The following TRPC4 variants were observed in gnomAD, a reference collection of about 807,000 sequenced individuals.
TRPC4 encodes short transient receptor potential channel 4.
In TRPC4, 49 loss-of-function variants were observed where a neutral mutation model predicts 99.4. That is an observed-to-expected ratio of 0.49 (90% CI 0.39 to 0.63). The LOEUF is 0.63. TRPC4 is among the 20% of genes least tolerant of loss of function. The pLI is 0.00. For synonymous variants in TRPC4, 454 were observed against 425.9 expected (o/e 1.07, Z -0.81); for missense variants, 898 against 1,152.9 (o/e 0.78, Z 3.20).
intron 2 of TRPC4, among the ~76,000 whole-genome samples, chr13:37,762,417 C>T (rs536968966): frequency 1.1e-4 from 16 of 151,582 alleles, no homozygotes; most frequent in African/African-American, 3.6e-4. Flanking sequence ...CACATGCACA[C>T]GTATGTTTAT....
At position 37,739,186 on chromosome 13, in the gene TRPC4, A is replaced by G. The variant is rs185312614; in HGVS notation, c.897+6751T>C. On this transcript the variant is annotated intron_variant, in intron 3 of 10. Transcript: ENST00000379705. ...CTAATTTTAACCTGGGTATAATATA[A>G]GGGAAGGTTTTTCAGAGAAAGTGGT... is the stretch of plus-strand genomic sequence containing the variant. Among the ~76,000 whole-genome samples, 101 of 152,310 alleles carry G rather than the reference A, an allele frequency of 6.6e-4. 1 individual carries two copies. Among genetic ancestry groups the G allele is most frequent in the Middle Eastern group, 3.4e-3 (1 of 292 alleles).
chr13:37,649,954 C>A (rs1008055763), intron 8 of TRPC4, among the ~76,000 whole-genome samples: 1 of 152,080 alleles, frequency 6.6e-6, no homozygotes, highest in Non-Finnish European at 1.5e-5. Context: ...AAACTGTAGT[C>A]CCCCAAATCT....
intron 2 of TRPC4, among the ~76,000 whole-genome samples, chr13:37,762,887 A>AT (rs1956263309): frequency 6.6e-6 from 1 of 151,532 alleles, no homozygotes. Context: ...ATAAAATAAA[A>AT]AAAAGACACT....
At chr13:37,866,859 G>A (rs1231565585) in intron 1 of TRPC4, among the ~76,000 whole-genome samples, 1 of 84,948 alleles carries the variant, frequency 1.2e-5, no homozygotes, top group Non-Finnish European at 2.2e-5. Flanking sequence ...GGGGGGGCGG[G>A]TATAGGGTAT....
At chr13:37,844,239 C>G (rs1382018630) in intron 1 of TRPC4, among the ~76,000 whole-genome samples, 2 of 152,074 alleles carry the variant, frequency 1.3e-5, no homozygotes, top group Non-Finnish European at 2.9e-5. Flanking sequence ...ACCAGAGAGA[C>G]TAGCTGACAG....
intron 1 of TRPC4, among the ~76,000 whole-genome samples, chr13:37,805,201 G>C (rs17056693): frequency 0.025 from 3,797 of 151,912 alleles, 90 homozygotes; most frequent in African/African-American, 0.059. Flanking sequence ...ATATTAGAGA[G>C]GAATACTTTC....
chr13:37,689,372 G>A (rs1232350969), intron 4 of TRPC4, among the ~76,000 whole-genome samples: 1 of 152,166 alleles, frequency 6.6e-6, no homozygotes, highest in African/African-American at 2.4e-5. Flanking sequence ...AAGGCACTGA[G>A]AACTCAGTCT....
chr13:37,657,203 A>C (rs1012235919), intron 6 of TRPC4, among the ~76,000 whole-genome samples: 14 of 152,236 alleles, frequency 9.2e-5, no homozygotes, highest in African/African-American at 3.4e-4. Flanking sequence ...GTGAAGGAGA[A>C]AGGGCACTGA....
At chr13:37,657,682 C>T (rs1174008132) in intron 6 of TRPC4, among the ~76,000 whole-genome samples, 1 of 152,040 alleles carries the variant, frequency 6.6e-6, no homozygotes, top group African/African-American at 2.4e-5. Context: ...CAAATAAAAA[C>T]AATGATGCAG....
At chr13:37,782,846 T>C (rs1956873905) in intron 2 of TRPC4, 110 bp downstream of exon 2, 2 of 1,099,634 alleles carry the variant, frequency 1.8e-6, no homozygotes, top group African/African-American at 3.2e-5. Context: ...AGCTTATATT[T>C]CTTAAATTTT....
At chr13:37,818,231 C>T (rs982653416) in intron 1 of TRPC4, among the ~76,000 whole-genome samples, 11 of 151,836 alleles carry the variant, frequency 7.2e-5, no homozygotes, top group African/African-American at 2.7e-4. Context: ...TAAAAAAATG[C>T]AAATCAAAAT....
intron 1 of TRPC4, among the ~76,000 whole-genome samples, chr13:37,785,837 A>C (rs1956956719): frequency 1.3e-5 from 2 of 152,120 alleles, no homozygotes; most frequent in South Asian, 4.1e-4. Context: ...CTACTGGAGA[A>C]CTTTGAGGAA....
chr13:37,839,037 G>C (rs1230741598), intron 1 of TRPC4, among the ~76,000 whole-genome samples: 2 of 152,144 alleles, frequency 1.3e-5, no homozygotes, highest in African/African-American at 4.8e-5. Flanking sequence ...AAGTTAGTCT[G>C]AGAATTAAAT....
intron 3 of TRPC4, among the ~76,000 whole-genome samples, chr13:37,723,786 C>A (rs1954949254): frequency 6.6e-6 from 1 of 152,110 alleles, no homozygotes; most frequent in Non-Finnish European, 1.5e-5. Flanking sequence ...AACTCCTAAA[C>A]TCAAGTGATC....
chr13:37,760,061 C>T (rs1215203366), intron 2 of TRPC4, among the ~76,000 whole-genome samples: 3 of 151,872 alleles, frequency 2.0e-5, no homozygotes, highest in Non-Finnish European at 4.4e-5. Context: ...TTTTGTCATG[C>T]TAGAGAGTTG....
At chr13:37,800,805 G>A (rs578252435) in intron 1 of TRPC4, among the ~76,000 whole-genome samples, 1 of 151,836 alleles carries the variant, frequency 6.6e-6, no homozygotes, top group African/African-American at 2.4e-5. Flanking sequence ...CAATATTGAT[G>A]CTATAGACTT....
intron 2 of TRPC4, among the ~76,000 whole-genome samples, chr13:37,765,493 T>C (rs1229538541): frequency 6.6e-6 from 1 of 151,458 alleles, no homozygotes; most frequent in Non-Finnish European, 1.5e-5. Context: ...TCTCCCCTGA[T>C]AGATTTTAAA....
intron 3 of TRPC4, among the ~76,000 whole-genome samples, chr13:37,713,955 T>C (rs1451160734): frequency 6.6e-6 from 1 of 152,130 alleles, no homozygotes; most frequent in Non-Finnish European, 1.5e-5. Flanking sequence ...GGTTTATCCC[T>C]ATGCATTCCC....
At chr13:37,664,199 G>C in intron 5 of TRPC4, among the ~76,000 whole-genome samples, 1 of 152,120 alleles carries the variant, frequency 6.6e-6, no homozygotes, top group African/African-American at 2.4e-5. Flanking sequence ...TGTCAGATTT[G>C]AATTATCCTG....
Sources: gnomAD v4.1 joint callset for allele counts (sites outside exome capture counted in the v4.1 genomes callset) on GRCh38, gnomAD v4.1.1 for gene constraint, MANE v1.5 for transcripts, NCBI Gene and HGNC (gene_info 2026-07-23, HGNC 2026-07-21) for gene names.